Variants in CNTN4 observed in about 807,000 individuals in gnomAD.
CNTN4 encodes the protein contactin-4.
CNTN4 carries 77 observed loss-of-function variants against 122.5 expected under a neutral mutation model. That is an observed-to-expected ratio of 0.63 (90% CI 0.52 to 0.76). The LOEUF (loss-of-function observed/expected upper bound fraction) is 0.76. CNTN4 is among the 30% of genes least tolerant of loss of function. The pLI is 0.00. For missense variants in CNTN4, 1,256 were observed against 1,259.1 expected, an observed-to-expected ratio of 1.00 and a Z score of 0.04; for synonymous variants, 512 against 447.0, an observed-to-expected ratio of 1.15 and a Z score of -1.83.
chr3:2,440,512 C>T (rs2048395183), intron 3 of CNTN4, among the ~76,000 whole-genome samples: 1 of 152,138 alleles, frequency 6.6e-6, no homozygotes, highest in Admixed American at 6.6e-5. Context: ...TTCCTCTCTT[C>T]ACTTTTAATA....
chr3:2,794,136 T>C (rs745714691), intron 6 of CNTN4, among the ~76,000 whole-genome samples: 9 of 152,144 alleles, frequency 5.9e-5, no homozygotes, highest in Non-Finnish European at 1.3e-4. Flanking sequence ...TTGGAACAAA[T>C]AATGAAAACC....
chr3:2,245,692 C>T (rs2040117795), intron 2 of CNTN4, among the ~76,000 whole-genome samples: 1 of 151,888 alleles, frequency 6.6e-6, no homozygotes, highest in African/African-American at 2.4e-5. Context: ...TACGTATTTT[C>T]TTTTGTAGAC....
intron 14 of CNTN4, among the ~76,000 whole-genome samples, chr3:3,012,396 G>A (rs1310412579): frequency 6.6e-6 from 1 of 152,028 alleles, no homozygotes; most frequent in African/African-American, 2.4e-5. Flanking sequence ...CATTTTTTGA[G>A]CACTTTTTAT....
At chr3:2,590,008 A>G (rs749550241) in intron 4 of CNTN4, among the ~76,000 whole-genome samples, 2 of 152,224 alleles carry the variant, frequency 1.3e-5, no homozygotes, top group Admixed American at 6.5e-5. Context: ...AATAAGTTCT[A>G]TATTTTAGAA....
intron 3 of CNTN4, chr3:2,362,389 G>A (rs899303381): frequency 1.2e-5 from 4 of 335,934 alleles, no homozygotes; most frequent in African/African-American, 4.4e-5. Context: ...GGCCCAGCGG[G>A]CAATTCCTGG....
chr3:2,780,157 T>C (rs2091511167), intron 6 of CNTN4, among the ~76,000 whole-genome samples: 1 of 152,236 alleles, frequency 6.6e-6, no homozygotes, highest in African/African-American at 2.4e-5. Context: ...TAAAACTAGT[T>C]GTCCTGCAAA....
intron 13 of CNTN4, among the ~76,000 whole-genome samples, chr3:2,978,157 T>C (rs1693602449): frequency 6.6e-6 from 1 of 152,184 alleles, no homozygotes; most frequent in Admixed American, 6.5e-5. Context: ...GCCTAGTTTG[T>C]GGTGTGTTGC....
chr3:2,833,296 A>G (rs1178008966), intron 7 of CNTN4, among the ~76,000 whole-genome samples: 1 of 152,270 alleles, frequency 6.6e-6, no homozygotes, highest in Admixed American at 6.5e-5. Flanking sequence ...TCTGCAATGC[A>G]GACTCAGTAA....
intron 2 of CNTN4, among the ~76,000 whole-genome samples, chr3:2,220,325 C>T (rs570776737): frequency 6.6e-6 from 1 of 152,242 alleles, no homozygotes; most frequent in East Asian, 1.9e-4. Context: ...TGTTTTCCCA[C>T]TGTGGTAACA....
At chr3:2,441,734 T>A (rs1575638549) in intron 3 of CNTN4, among the ~76,000 whole-genome samples, 1 of 152,138 alleles carries the variant, frequency 6.6e-6, no homozygotes, top group Non-Finnish European at 1.5e-5. Flanking sequence ...GTCTCCAGAT[T>A]TTCATCATAT....
intron 2 of CNTN4, among the ~76,000 whole-genome samples, chr3:2,160,918 AAT>A (rs1309371121): frequency 6.6e-5 from 10 of 152,110 alleles, no homozygotes; most frequent in African/African-American, 1.9e-4. Flanking sequence ...AAGAAGGTAT[AAT>A]CCCTCTTGCC....
intron 3 of CNTN4, among the ~76,000 whole-genome samples, chr3:2,494,153 G>T (rs1407601974): frequency 6.6e-6 from 1 of 152,072 alleles, no homozygotes; most frequent in Admixed American, 6.5e-5. Context: ...ATATTGGAAA[G>T]GATTTATGTT....
chr3:2,889,202 C>T (rs1230077504), intron 10 of CNTN4, among the ~76,000 whole-genome samples: 1 of 152,178 alleles, frequency 6.6e-6, no homozygotes, highest in South Asian at 2.1e-4. Context: ...CTCAGCATTT[C>T]ATTTTGGACT....
intron 6 of CNTN4, among the ~76,000 whole-genome samples, chr3:2,766,227 A>T (rs1276822499): frequency 6.6e-6 from 1 of 152,146 alleles, no homozygotes; most frequent in Non-Finnish European, 1.5e-5. Context: ...CTTTCTCCTG[A>T]TCGCATCTAT....
chr3:2,252,431 G>C (rs2040414421), intron 2 of CNTN4, among the ~76,000 whole-genome samples: 1 of 149,654 alleles, frequency 6.7e-6, no homozygotes, highest in Non-Finnish European at 1.5e-5. Flanking sequence ...TTTACACATT[G>C]ATAAAAATAA....
chr3:3,047,292 A>G (rs1175734889), intron 23 of CNTN4, among the ~76,000 whole-genome samples: 2 of 152,316 alleles, frequency 1.3e-5, no homozygotes, highest in East Asian at 3.9e-4. Flanking sequence ...AGACATCTAC[A>G]GAACTCTCCA....
intron 13 of CNTN4, among the ~76,000 whole-genome samples, chr3:2,974,820 A>C (rs993837499): frequency 1.3e-5 from 2 of 152,186 alleles, no homozygotes; most frequent in Non-Finnish European, 2.9e-5. Flanking sequence ...AATATTATGA[A>C]GTTCTGGTAT....
chr3:2,302,988 A>G (rs548510143), intron 2 of CNTN4, among the ~76,000 whole-genome samples: 1 of 152,200 alleles, frequency 6.6e-6, no homozygotes, highest in Admixed American at 6.5e-5. Context: ...TTGTTTACCC[A>G]TAACAGCTTA....
intron 2 of CNTN4, among the ~76,000 whole-genome samples, chr3:2,193,890 A>G (rs918352071): frequency 1.3e-5 from 2 of 152,218 alleles, no homozygotes; most frequent in African/African-American, 2.4e-5. Context: ...ATGCTATCCC[A>G]TCTAGCCTAG....
Sources: allele counts gnomAD v4.1 joint callset (sites outside exome capture counted in the v4.1 genomes callset), GRCh38; gene constraint gnomAD v4.1.1; transcripts MANE v1.5; gene names NCBI Gene and HGNC (gene_info 2026-07-23, HGNC 2026-07-21).